CARMIL1: variants seen among roughly 807,000 people sequenced by gnomAD.
The protein encoded by CARMIL1 is F-actin-uncapping protein LRRC16A.
Under a neutral mutation model 177.1 loss-of-function variants are expected in CARMIL1, and 90 were observed. The ratio of observed to expected loss-of-function variants is 0.51; its 90% CI spans 0.43 to 0.61. The LOEUF is 0.61. Among genes scored for constraint, CARMIL1 ranks in the 20% least tolerant of loss-of-function variants. The probability of loss-of-function intolerance (pLI) is 0.00; values close to 1 mark genes in which losing one functional copy is unlikely to be tolerated. For missense variants in CARMIL1, 1,380 were observed against 1,667.0 expected, an observed-to-expected ratio of 0.83 and a Z score of 3.00; for synonymous variants, 577 against 606.2, an observed-to-expected ratio of 0.95 and a Z score of 0.71.
intron 12 of CARMIL1, among the ~76,000 whole-genome samples, chr6:25,487,285 A>G (rs1046633471): frequency 3.9e-5 from 6 of 152,202 alleles, no homozygotes; most frequent in African/African-American, 1.4e-4. Flanking sequence ...CCTTCATCGG[A>G]TCCTGCTGCT....
rs561117660 is a variant in CARMIL1, at chr6:25,488,591, T to G, written c.1065+6T>G. ...TTCGTGGAGATGACCTCTCAGTAAG[T>G]TTTCTTTTCTTTATTCCATCTTCGA... is the stretch of plus-strand genomic sequence containing the variant. On this transcript the variant is annotated splice_donor_region_variant and intron_variant, in intron 13 of 36. Coordinates refer to ENST00000329474, the MANE Select transcript of CARMIL1 (RefSeq NM_017640.6). 6.3e-7 allele frequency: 1 copy of G among 1,596,774 alleles called. No individual in the cohort carries two copies. The highest frequency in any genetic ancestry group is 1.1e-5 in the South Asian group (1 of 90,744).
intron 2 of CARMIL1, among the ~76,000 whole-genome samples, chr6:25,388,429 C>T (rs77304110): frequency 0.14 from 21,878 of 151,644 alleles, 1,821 homozygotes; most frequent in East Asian, 0.32. Flanking sequence ...TGCAGTGGAG[C>T]GATCTCAGCT....
intron 24 of CARMIL1, among the ~76,000 whole-genome samples, chr6:25,533,204 C>T (rs765215825): frequency 6.6e-6 from 1 of 152,246 alleles, no homozygotes; most frequent in Non-Finnish European, 1.5e-5. Flanking sequence ...CTCTGTCCCT[C>T]TTTATCTACT....
chr6:25,554,081 T>C lies in CARMIL1; in HGVS notation c.2577T>C (p.His859=). The change falls in exon 28 of 37, where the codon CAT becomes CAC. Residue 859 remains histidine, a synonymous_variant. Transcript: ENST00000329474. This position sits in a 1 kb window ranked among gnomAD's most constrained non-coding sequence, Gnocchi z 4.6. The part of the protein sequence containing the change: ...IVDEILDALS[H]CHHKLADHFS... ...ATGAAATCCTGGATGCACTCTCACA[T>C]TGCCATCATAAACTGGTGAGTGCTG... is the stretch of plus-strand genomic sequence containing the variant. The C allele has an allele frequency of 1.3e-6, 2 of 1,594,210 alleles. No individual in the cohort carries two copies. The highest frequency in any genetic ancestry group is 1.1e-5 in the South Asian group (1 of 87,196).
chr6:25,364,179 A>G (rs1789528856), intron 2 of CARMIL1, among the ~76,000 whole-genome samples: 2 of 152,130 alleles, frequency 1.3e-5, no homozygotes, highest in Non-Finnish European at 2.9e-5. Flanking sequence ...TCCTGGGCTC[A>G]AGTGACCCTC....
At position 25,482,161 on chromosome 6, in the gene CARMIL1, T is replaced by G. The variant is rs1042663885; in HGVS notation, c.875-96T>G. 1.6e-5 allele frequency: 11 copies of G among 671,074 alleles called. No individual in the cohort carries two copies. In the Admixed American group the frequency reaches 2.7e-4, roughly 17 times the overall value. The allele number at this position is 671,074 out of a possible 1,614,324, so 41.6% of individuals were successfully genotyped here. ...ATATTAGAAAGAAAAATATGATCAC[T>G]TCAGTCAGAATCAAAATTAAGTTAA... On this transcript the variant is annotated intron_variant, in intron 11 of 36. Transcript: ENST00000329474.
chr6:25,517,498 T>G, intron 22 of CARMIL1, 83 bp downstream of exon 22: 2 of 1,038,624 alleles, frequency 1.9e-6, no homozygotes, highest in Non-Finnish European at 2.9e-6. Context: ...GGTAATAGAA[T>G]CAACTGTTTA....
chr6:25,617,523 A>T (rs1351702458), intron 36 of CARMIL1, among the ~76,000 whole-genome samples: 1 of 152,164 alleles, frequency 6.6e-6, no homozygotes, highest in Non-Finnish European at 1.5e-5. Flanking sequence ...TTGAACTTGT[A>T]GTGTATTTTT....
chr6:25,511,525 T>C (rs1462183154), intron 20 of CARMIL1, among the ~76,000 whole-genome samples: 1 of 152,188 alleles, frequency 6.6e-6, no homozygotes, highest in Non-Finnish European at 1.5e-5. Flanking sequence ...TCAGATGAAT[T>C]TGTATTCCTA....
At chr6:25,517,502 C>A in intron 22 of CARMIL1, 87 bp downstream of exon 22, 2 of 987,622 alleles carry the variant, frequency 2.0e-6, no homozygotes, top group Non-Finnish European at 1.6e-6. Flanking sequence ...ATAGAATCAA[C>A]TGTTTATTGG....
chr6:25,441,894 A>ATT lies in CARMIL1; in HGVS notation c.371+6301_371+6302dup, dbSNP rs11357159. Among the ~76,000 whole-genome samples, 64 of 149,090 alleles carry ATT rather than the reference A, an allele frequency of 4.3e-4. No individual in the cohort carries two copies. The East Asian group carries it at 7.7e-3, about 18-fold the overall frequency. ...TGGCTGGTCTCCAAAACAAAGCTAG[A>ATT]TTTTTTTTTTTTAGTATTAAATGAT... On this transcript the variant is annotated intron_variant, in intron 5 of 36. Coordinates refer to ENST00000329474, the MANE Select transcript of CARMIL1 (RefSeq NM_017640.6).
At chr6:25,367,080 T>C (rs541214527) in intron 2 of CARMIL1, among the ~76,000 whole-genome samples, 84 of 152,340 alleles carry the variant, frequency 5.5e-4, no homozygotes, top group Non-Finnish European at 9.4e-4. Flanking sequence ...GCAATAAAAG[T>C]ATTTTCACAT....
At chr6:25,314,549 T>TACATATATATGTATGTATACATTCACAC (rs56199920) in intron 2 of CARMIL1, among the ~76,000 whole-genome samples, 20,077 of 149,436 alleles carry the variant, frequency 0.13, 2,129 homozygotes, top group East Asian at 0.38. Context: ...TACATACACA[T>TACATATATATGTATGTATACATTCACAC]ACATATATAT....
At chr6:25,441,949 TG>T (rs1581954908) in intron 5 of CARMIL1, among the ~76,000 whole-genome samples, 1 of 151,800 alleles carries the variant, frequency 6.6e-6, no homozygotes, top group East Asian at 1.9e-4. Flanking sequence ...GGTATGAAAA[TG>T]TGAGGTTATT....
intron 29 of CARMIL1, among the ~76,000 whole-genome samples, chr6:25,560,979 G>A (rs913612909): frequency 6.6e-6 from 1 of 152,158 alleles, no homozygotes; most frequent in African/African-American, 2.4e-5. Context: ...GAAACCTCCT[G>A]TGCCTCTCTA....
intron 34 of CARMIL1, among the ~76,000 whole-genome samples, chr6:25,605,157 G>T (rs1815832387): frequency 6.6e-6 from 1 of 152,078 alleles, no homozygotes; most frequent in South Asian, 2.1e-4. Flanking sequence ...TTTTTTCATT[G>T]CAAACTCCTC....
intron 29 of CARMIL1, among the ~76,000 whole-genome samples, chr6:25,576,773 A>G (rs1335211626): frequency 1.3e-5 from 2 of 152,164 alleles, no homozygotes; most frequent in East Asian, 1.9e-4. Context: ...TCTGCTTATA[A>G]AAAGCTAGAT....
At chr6:25,419,911 A>G (rs181088975) in intron 2 of CARMIL1, among the ~76,000 whole-genome samples, 4 of 152,320 alleles carry the variant, frequency 2.6e-5, no homozygotes, top group African/African-American at 9.6e-5. Context: ...TTGTTCTAAA[A>G]GAACTTTGAT....
At chr6:25,551,299 G>A (rs977218780) in intron 27 of CARMIL1, among the ~76,000 whole-genome samples, 3 of 152,138 alleles carry the variant, frequency 2.0e-5, no homozygotes, top group Non-Finnish European at 4.4e-5. Flanking sequence ...CATTACTTAA[G>A]GACATAGAAT....
Sources: gnomAD v4.1 joint callset for allele counts (sites outside exome capture counted in the v4.1 genomes callset) on GRCh38, gnomAD v4.1.1 for gene constraint, Gnocchi (gnomAD v3.1) non-coding constraint, MANE v1.5 for transcripts, NCBI Gene and HGNC (gene_info 2026-07-23, HGNC 2026-07-21) for gene names.